CAPN14: variants seen among roughly 807,000 people sequenced by gnomAD.
The protein encoded by CAPN14 is calpain 14, also known as calpain-14.
CAPN14 carries 94 observed loss-of-function variants against 101.3 expected under a neutral mutation model. That is an observed-to-expected ratio of 0.93 (90% CI 0.79 to 1.10). The LOEUF is 1.10. Among genes scored for constraint, CAPN14 ranks in the 50% least tolerant of loss-of-function variants. The pLI is 0.00. For synonymous variants in CAPN14, 338 were observed against 317.9 expected (o/e 1.06, Z -0.67); for missense variants, 837 against 828.4 (o/e 1.01, Z -0.13).
At position 31,201,827 on chromosome 2, in the gene CAPN14, C is replaced by T. The variant is rs749251; in HGVS notation, c.551+35G>A. On this transcript the variant is annotated intron_variant, in intron 5 of 21. Coordinates refer to ENST00000403897, the MANE Select transcript of CAPN14 (RefSeq NM_001145122.2). The stretch of plus-strand genomic sequence containing the variant: ...CAACATTGAGAGAGAGAAAAAGAAG[C>T]GATGGGAAGGGGGATATTTCTGCCG... 1.2e-4 allele frequency: 187 copies of T among 1,544,396 alleles called. 1 individual carries two copies. Among genetic ancestry groups the T allele is most frequent in the Non-Finnish European group, 1.6e-4 (177 of 1,141,286 alleles).
At chr2:31,188,295 T>A (rs1226210244) in intron 14 of CAPN14, 23 bp downstream of exon 14, 1 of 1,549,968 alleles carries the variant, frequency 6.5e-7, no homozygotes. Context: ...CCCAGCCATA[T>A]GGAATTCCAC....
In CAPN14 at chr2:31,174,566, T is replaced by C; in HGVS notation, c.*115A>G. The C allele has an allele frequency of 1.8e-6, 2 of 1,090,710 alleles. No homozygotes were observed. Among genetic ancestry groups the C allele is most frequent in the Non-Finnish European group, 2.7e-6 (2 of 737,652 alleles). 67.6% of individuals were successfully genotyped at this position (1,090,710 alleles called of 1,614,324 possible). A position where few individuals can be genotyped will look rare whatever the true frequency, so the allele number is the denominator to read the frequency against. ...CCTTCCCAGCTGAGAAGGTGACGGC[T>C]AGTGAGGCTGTCCTGAAGATCAGTA... On this transcript the variant is annotated 3_prime_UTR_variant, in exon 22 of 22. Transcript: ENST00000403897.
chr2:31,193,395 C>G, intron 9 of CAPN14, 101 bp from the exon 10 acceptor site: 1 of 1,169,858 alleles, frequency 8.5e-7, no homozygotes, highest in Admixed American at 2.2e-5. Context: ...CATCCCAGCC[C>G]TCTCATGGAC....
In CAPN14 at chr2:31,179,520, G is replaced by A. The variant is rs186474602; in HGVS notation, c.1711-941C>T. Among the ~76,000 whole-genome samples, 110 of 152,238 alleles carry A rather than the reference G, an allele frequency of 7.2e-4. No homozygotes were observed. In the East Asian group the frequency reaches 0.021, roughly 29 times the overall value. The stretch of plus-strand genomic sequence containing the variant: ...AGCCTTTGCTATTGTGAATAGTGCC[G>A]CAGTAAACATACATGTGCATGTGTC... On this transcript the variant is annotated intron_variant, in intron 17 of 21. Transcript: ENST00000403897.
At chr2:31,204,921 C>G (rs9789381) in intron 2 of CAPN14, among the ~76,000 whole-genome samples, 95,588 of 152,014 alleles carry the variant, frequency 0.63, 31,015 homozygotes, top group East Asian at 0.95. Context: ...CTTGTGATTG[C>G]CATCTGAAGT....
At chr2:31,174,763 C>G in intron 21 of CAPN14, 56 bp from the exon 22 acceptor site, 1 of 1,519,904 alleles carries the variant, frequency 6.6e-7, no homozygotes, top group South Asian at 1.2e-5. Context: ...CTCATCTGGG[C>G]CTCCCCATCC....
At position 31,174,709 on chromosome 2, in the gene CAPN14, T is replaced by C. The variant is rs1368152421; in HGVS notation, c.2029-2A>G. 4 of 1,551,602 alleles carry C rather than the reference T, an allele frequency of 2.6e-6. No individual in the cohort carries two copies. The South Asian group carries it at 3.6e-5, about 14-fold the overall frequency. On this transcript the variant is annotated splice_acceptor_variant, in intron 21 of 21. Coordinates refer to ENST00000403897, the MANE Select transcript of CAPN14 (RefSeq NM_001145122.2). LOFTEE classifies it high-confidence loss of function. Reference sequence around the variant, plus strand: ...GGAGTACAGTGCCATCATCATCCACTGGACATGTTGGGAAAGCAAATGATG... The same window carrying C: ...GGAGTACAGTGCCATCATCATCCACCGGACATGTTGGGAAAGCAAATGATG...
chr2:31,199,335 C>T (rs75433767), intron 7 of CAPN14, 135 bp downstream of exon 7: 20,157 of 760,500 alleles, frequency 0.027, 364 homozygotes, highest in African/African-American at 0.047. Flanking sequence ...GAAATAGATG[C>T]CGAGGCACAG....
upstream of CAPN14, among the ~76,000 whole-genome samples, chr2:31,217,950 G>T (rs78107939): frequency 6.6e-6 from 1 of 152,114 alleles, no homozygotes; most frequent in East Asian, 1.9e-4. Flanking sequence ...GGTGGCTGTG[G>T]GTTTTCTTTT....
At chr2:31,184,354 C>T (rs1007408906) in intron 16 of CAPN14, among the ~76,000 whole-genome samples, 1 of 152,224 alleles carries the variant, frequency 6.6e-6, no homozygotes, top group Non-Finnish European at 1.5e-5. Flanking sequence ...GTATTTGTCT[C>T]TTCTTTGACT....
Position 31,191,398 on chromosome 2 carries a change from C to A in CAPN14, c.1287+1G>T, listed in dbSNP as rs768563418. 4.1e-5 allele frequency: 64 copies of A among 1,542,206 alleles called. No homozygotes were observed. Among genetic ancestry groups the A allele is most frequent in the Non-Finnish European group, 4.9e-5 (56 of 1,144,898 alleles). On this transcript the variant is annotated splice_donor_variant, in intron 12 of 21. Coordinates refer to ENST00000403897, the MANE Select transcript of CAPN14 (RefSeq NM_001145122.2). LOFTEE classifies it high-confidence loss of function. ...GCCACCCGGTCAAGTGCAGAACTCA[C>A]CTTGTTCATCTAAAAAACAAAAACA... is the stretch of plus-strand genomic sequence containing the variant.
In CAPN14 at chr2:31,203,150, CA is replaced by C. The variant is rs1681884234; in HGVS notation, c.226-12del. On this transcript the variant is annotated splice_polypyrimidine_tract_variant and intron_variant, in intron 2 of 21. Coordinates refer to ENST00000403897, the MANE Select transcript of CAPN14 (RefSeq NM_001145122.2). Reference sequence around the variant, plus strand: ...ATTGCTGTGCAGCTCCTGGGAAAGACAAACAGAATTGTCATTCTGACCTAGA... The same window carrying C: ...ATTGCTGTGCAGCTCCTGGGAAAGACAACAGAATTGTCATTCTGACCTAGA... The C allele has an allele frequency of 6.4e-7, 1 of 1,550,990 alleles. No homozygotes were observed. Among genetic ancestry groups the C allele is most frequent in the Non-Finnish European group, 8.7e-7 (1 of 1,146,496 alleles).
chr2:31,210,677 G>A (rs1273345161), intron 1 of CAPN14, among the ~76,000 whole-genome samples: 3 of 152,088 alleles, frequency 2.0e-5, no homozygotes, highest in Admixed American at 2.0e-4. Context: ...CTCAATGATA[G>A]TCATAGTTAA....
upstream of CAPN14, among the ~76,000 whole-genome samples, chr2:31,220,719 C>G: frequency 6.6e-6 from 1 of 152,182 alleles, no homozygotes; most frequent in Non-Finnish European, 1.5e-5. Flanking sequence ...ATCCCAGCTA[C>G]TCAGGAGGCT....
chr2:31,203,208 GTTTTCCCA>G, intron 2 of CAPN14, 69 bp from the exon 3 acceptor site: 1 of 1,260,326 alleles, frequency 7.9e-7, no homozygotes, highest in South Asian at 1.3e-5. Flanking sequence ...CAGTGACCAC[GTTTTCCCA>G]TACCCCAAAA....
At chr2:31,220,444 G>A (rs1373407385), upstream of CAPN14, among the ~76,000 whole-genome samples, 1 of 152,224 alleles carries the variant, frequency 6.6e-6, no homozygotes, top group Non-Finnish European at 1.5e-5. Flanking sequence ...TCATGGGGTA[G>A]CATTACCCTG....
chr2:31,229,056 T>A (rs1683108649), intron 1 of CAPN14, among the ~76,000 whole-genome samples: 1 of 152,248 alleles, frequency 6.6e-6, no homozygotes, highest in African/African-American at 2.4e-5. Flanking sequence ...CAGCAGGATA[T>A]GCTTTTTAGA....
chr2:31,183,004 C>A (rs1311274663), intron 16 of CAPN14, among the ~76,000 whole-genome samples: 2 of 152,120 alleles, frequency 1.3e-5, no homozygotes, highest in African/African-American at 2.4e-5. Context: ...ATCAATGGAA[C>A]AGAACAGAGC....
intron 1 of CAPN14, among the ~76,000 whole-genome samples, chr2:31,213,897 T>C (rs1682519215): frequency 6.6e-6 from 1 of 152,240 alleles, no homozygotes; most frequent in Admixed American, 6.5e-5. Context: ...GATGAAATGA[T>C]TTTGTAATGT....
Sources: allele counts gnomAD v4.1 joint callset (sites outside exome capture counted in the v4.1 genomes callset), GRCh38; gene constraint gnomAD v4.1.1; transcripts MANE v1.5; gene names NCBI Gene and HGNC (gene_info 2026-07-23, HGNC 2026-07-21).